The following PTPRD variants were observed in gnomAD, a reference collection of about 807,000 sequenced individuals.
PTPRD encodes the protein receptor-type tyrosine-protein phosphatase delta.
A neutral mutation model predicts 214.5 loss-of-function variants in PTPRD; 34 were observed. The ratio of observed to expected loss-of-function variants is 0.16; its 90% CI spans 0.12 to 0.21. The LOEUF is 0.21. PTPRD is among the 10% of genes least tolerant of loss of function. The pLI, the probability that PTPRD is intolerant of heterozygous loss-of-function variation, is 1.00. For missense variants in PTPRD, 2,545 were observed against 2,398.7 expected, an observed-to-expected ratio of 1.06 and a Z score of -1.27; for synonymous variants, 1,128 against 845.7, an observed-to-expected ratio of 1.33 and a Z score of -5.79.
intron 3 of PTPRD, among the ~76,000 whole-genome samples, chr9:10,155,672 C>A (rs915026649): frequency 2.0e-5 from 3 of 152,094 alleles, no homozygotes; most frequent in Non-Finnish European, 4.4e-5. Context: ...TGAATTTTAT[C>A]AAAAGCTTCC....
chr9:9,857,075 C>T (rs980020472), intron 5 of PTPRD, among the ~76,000 whole-genome samples: 12 of 152,132 alleles, frequency 7.9e-5, no homozygotes, highest in Non-Finnish European at 1.3e-4. Context: ...TTTGTGCGGG[C>T]CCCGGGGCAG....
chr9:9,443,339 T>C (rs2089008790), intron 8 of PTPRD, among the ~76,000 whole-genome samples: 1 of 152,222 alleles, frequency 6.6e-6, no homozygotes, highest in African/African-American at 2.4e-5. Context: ...ATACTATTAT[T>C]AAACCACTTC....
At chr9:10,139,837 AT>A (rs71485320) in intron 3 of PTPRD, among the ~76,000 whole-genome samples, 8,457 of 152,220 alleles carry the variant, frequency 0.056, 296 homozygotes, top group East Asian at 0.13. Flanking sequence ...GGCTAGCCAT[AT>A]GCAGAAGAAT....
chr9:10,353,067 C>T (rs1257168600), intron 2 of PTPRD, among the ~76,000 whole-genome samples: 1 of 151,856 alleles, frequency 6.6e-6, no homozygotes, highest in Non-Finnish European at 1.5e-5. Context: ...CTTAAAATTA[C>T]CAGAAAATCA....
chr9:9,484,098 G>A (rs1397454150), intron 8 of PTPRD, among the ~76,000 whole-genome samples: 5 of 150,794 alleles, frequency 3.3e-5, no homozygotes, highest in Non-Finnish European at 7.4e-5. Flanking sequence ...TTTAAGAATT[G>A]GAAAAAGTAA....
intron 3 of PTPRD, among the ~76,000 whole-genome samples, chr9:10,300,861 G>T (rs2095842562): frequency 6.6e-6 from 1 of 152,120 alleles, no homozygotes; most frequent in African/African-American, 2.4e-5. Flanking sequence ...AAACATTCCT[G>T]CCTGATAGCT....
chr9:9,402,450 C>G (rs1183848833), intron 8 of PTPRD, among the ~76,000 whole-genome samples: 1 of 152,054 alleles, frequency 6.6e-6, no homozygotes, highest in Non-Finnish European at 1.5e-5. Flanking sequence ...AAATTTCTTC[C>G]TGTGTTGTTA....
intron 2 of PTPRD, among the ~76,000 whole-genome samples, chr9:10,572,960 G>T (rs2067961206): frequency 6.6e-6 from 1 of 151,958 alleles, no homozygotes; most frequent in Non-Finnish European, 1.5e-5. Flanking sequence ...AAATTAACAG[G>T]ATGCATCCAT....
chr9:9,520,929 C>T lies in PTPRD; in HGVS notation c.-237+53803G>A, dbSNP rs574351699. On this transcript the variant is annotated intron_variant, in intron 8 of 45. Transcript: ENST00000381196. ...CCAGTTTTTCTTAGTTCCAGACCAACTGCACCAGAATCATCTGGGAGGCTT... is the reference window on the plus strand; with the variant it reads ...CCAGTTTTTCTTAGTTCCAGACCAATTGCACCAGAATCATCTGGGAGGCTT... 6.8e-4 allele frequency among the ~76,000 whole-genome samples: 103 copies of T among 152,290 alleles called. 1 individual carries two copies. The highest frequency in any genetic ancestry group is 2.4e-3 in the African/African-American group (101 of 41,580).
At chr9:8,964,750 G>T (rs927091339) in intron 11 of PTPRD, among the ~76,000 whole-genome samples, 1 of 151,958 alleles carries the variant, frequency 6.6e-6, no homozygotes. Flanking sequence ...TTGTTTTGTT[G>T]TGTCTCTGTT....
intron 7 of PTPRD, among the ~76,000 whole-genome samples, chr9:9,704,405 G>C (rs2097559694): frequency 6.6e-6 from 1 of 152,052 alleles, no homozygotes; most frequent in Non-Finnish European, 1.5e-5. Context: ...CTCTAGCTAA[G>C]GCAAATCAGA....
Position 10,422,551 on chromosome 9 carries a change from T to A in PTPRD, c.-599-81534A>T, listed in dbSNP as rs987301033. Among the ~76,000 whole-genome samples the A allele has an allele frequency of 2.6e-5, 4 of 151,892 alleles. No individual in the cohort carries two copies. The East Asian group carries it at 7.8e-4, about 30-fold the overall frequency. On this transcript the variant is annotated intron_variant, in intron 2 of 45. Coordinates refer to ENST00000381196, the MANE Select transcript of PTPRD (RefSeq NM_002839.4). ...ACAGAATGGGAGAAAATTTTTGCAA[T>A]CTACCCATCTGACAAAGGTGGGTAG...
intron 14 of PTPRD, among the ~76,000 whole-genome samples, chr9:8,531,767 A>G (rs2075760328): frequency 6.6e-6 from 1 of 152,116 alleles, no homozygotes; most frequent in African/African-American, 2.4e-5. Flanking sequence ...GCCAATATTC[A>G]GTGCTGATCA....
intron 12 of PTPRD, among the ~76,000 whole-genome samples, chr9:8,671,880 C>G (rs1429321461): frequency 6.6e-6 from 1 of 152,140 alleles, no homozygotes; most frequent in Non-Finnish European, 1.5e-5. Context: ...TGAAAACTCT[C>G]TTGGACAATT....
chr9:8,472,704 T>C (rs1335830197), intron 30 of PTPRD, among the ~76,000 whole-genome samples: 1 of 150,314 alleles, frequency 6.7e-6, no homozygotes. Context: ...ATGTATTAGG[T>C]TAAATAAAAT....
chr9:9,609,664 T>G (rs1336356117), intron 7 of PTPRD, among the ~76,000 whole-genome samples: 1 of 152,174 alleles, frequency 6.6e-6, no homozygotes, highest in African/African-American at 2.4e-5. Context: ...GGTTTCCCCA[T>G]GTTGGCCAGG....
intron 3 of PTPRD, among the ~76,000 whole-genome samples, chr9:10,319,923 A>T (rs1014338057): frequency 2.0e-5 from 3 of 151,984 alleles, no homozygotes; most frequent in East Asian, 1.9e-4. Flanking sequence ...CTCAGTTCAA[A>T]CAGTGCCAAC....
intron 3 of PTPRD, among the ~76,000 whole-genome samples, chr9:10,255,685 G>C (rs1011461262): frequency 6.6e-6 from 1 of 152,106 alleles, no homozygotes; most frequent in African/African-American, 2.4e-5. Context: ...AAACTTTTAA[G>C]TTTTTTAAAC....
At chr9:8,834,199 G>GT (rs946478325) in intron 11 of PTPRD, among the ~76,000 whole-genome samples, 5 of 151,900 alleles carry the variant, frequency 3.3e-5, no homozygotes, top group Non-Finnish European at 4.4e-5. Context: ...GAAAAAGCCT[G>GT]TTTTTTTCCA....
Sources: allele counts gnomAD v4.1 joint callset (sites outside exome capture counted in the v4.1 genomes callset), GRCh38; gene constraint gnomAD v4.1.1; transcripts MANE v1.5; gene names NCBI Gene and HGNC (gene_info 2026-07-23, HGNC 2026-07-21).